GAPVD1: variants seen among roughly 807,000 people sequenced by gnomAD.
GAPVD1 encodes the protein GTPase-activating protein and VPS9 domain-containing protein 1.
In GAPVD1, 35 loss-of-function variants were observed where a neutral mutation model predicts 155.5. The ratio of observed to expected loss-of-function variants is 0.23; its 90% CI spans 0.17 to 0.30. The LOEUF (loss-of-function observed/expected upper bound fraction) is 0.30. Ranked by LOEUF, GAPVD1 falls within the 10% of genes least tolerant of loss-of-function variation. The pLI, the probability that GAPVD1 is intolerant of heterozygous loss-of-function variation, is 1.00. For missense variants in GAPVD1, 1,429 were observed against 1,775.7 expected, an observed-to-expected ratio of 0.80 and a Z score of 3.51; for synonymous variants, 636 against 619.7, an observed-to-expected ratio of 1.03 and a Z score of -0.39.
chr9:125,359,693 C>A, intron 26 of GAPVD1: 1 of 516,422 alleles, frequency 1.9e-6, no homozygotes, highest in South Asian at 2.7e-5. Flanking sequence ...TAGTAGAAAG[C>A]CAGTTGTGAG....
intron 2 of GAPVD1, among the ~76,000 whole-genome samples, chr9:125,276,396 GA>G (rs1161605194): frequency 6.6e-6 from 1 of 152,066 alleles, no homozygotes; most frequent in East Asian, 1.9e-4. Context: ...TAATTTTGAA[GA>G]AATATCTTTC....
At chr9:125,319,724 C>T (rs936705877) in intron 9 of GAPVD1, among the ~76,000 whole-genome samples, 1 of 151,844 alleles carries the variant, frequency 6.6e-6, no homozygotes, top group East Asian at 1.9e-4. Flanking sequence ...GTCTCAGCCT[C>T]CCAAGTAGCT....
intron 25 of GAPVD1, 65 bp from the exon 26 acceptor site, chr9:125,359,355 A>G (rs1198402562): frequency 2.3e-6 from 2 of 886,630 alleles, no homozygotes; most frequent in Non-Finnish European, 3.8e-6. Context: ...AAAATCAATG[A>G]TGACTGTTTG....
At chr9:125,352,004 G>C (rs1156574419) in intron 23 of GAPVD1, among the ~76,000 whole-genome samples, 1 of 152,128 alleles carries the variant, frequency 6.6e-6, no homozygotes, top group Non-Finnish European at 1.5e-5. Context: ...GCCTCCCAAA[G>C]TGCTGGGATT....
intron 11 of GAPVD1, among the ~76,000 whole-genome samples, chr9:125,326,051 A>G (rs1174771354): frequency 6.6e-6 from 1 of 152,238 alleles, no homozygotes; most frequent in Non-Finnish European, 1.5e-5. Context: ...CATGGAATAT[A>G]TAGGATTTGG....
At chr9:125,340,250 A>G (rs1031637863) in intron 17 of GAPVD1, among the ~76,000 whole-genome samples, 6 of 152,112 alleles carry the variant, frequency 3.9e-5, no homozygotes, top group Non-Finnish European at 7.4e-5. Flanking sequence ...TGAGCTCCTG[A>G]CTTCAGGTGA....
chr9:125,334,094 A>C (rs972084027), intron 15 of GAPVD1, among the ~76,000 whole-genome samples: 2 of 152,206 alleles, frequency 1.3e-5, no homozygotes, highest in Non-Finnish European at 2.9e-5. Flanking sequence ...TGAGGTCCTA[A>C]GACCCTTTGA....
At chr9:125,263,902 G>A in intron 1 of GAPVD1, 1 of 1,435,420 alleles carries the variant, frequency 7.0e-7, no homozygotes, top group Non-Finnish European at 9.8e-7. Flanking sequence ...TAAGGTACCA[G>A]TAGAAATGTC....
intron 2 of GAPVD1, among the ~76,000 whole-genome samples, chr9:125,279,502 C>T (rs919104323): frequency 2.1e-5 from 3 of 145,704 alleles, no homozygotes; most frequent in Non-Finnish European, 4.5e-5. Context: ...ACCCAGGAGG[C>T]GGAGGTTGCA....
At chr9:125,329,393 T>C (rs1462736787) in intron 12 of GAPVD1, among the ~76,000 whole-genome samples, 1 of 152,190 alleles carries the variant, frequency 6.6e-6, no homozygotes, top group Admixed American at 6.5e-5. Context: ...GGCTATAAAT[T>C]TTAGAACGAT....
chr9:125,334,552 T>TAAACTGTATTTCTTATGAATACGTA (rs1846594776), intron 15 of GAPVD1, among the ~76,000 whole-genome samples: 1 of 152,168 alleles, frequency 6.6e-6, no homozygotes, highest in Admixed American at 6.5e-5. Context: ...GAATGACAGA[T>TAAACTGTATTTCTTATGAATACGTA]AAACTGTATT....
At chr9:125,346,202 C>T (rs1848501742) in intron 19 of GAPVD1, 1 of 153,400 alleles carries the variant, frequency 6.5e-6, no homozygotes, top group Admixed American at 6.5e-5. Context: ...AATTCCAGCA[C>T]TCCCCAAGAA....
chr9:125,293,858 A>T (rs1588703041), intron 2 of GAPVD1, among the ~76,000 whole-genome samples: 2 of 8,196 alleles, frequency 2.4e-4, no homozygotes, highest in Non-Finnish European at 3.6e-4. Context: ...TATTTTATAT[A>T]TATATATATA....
chr9:125,362,877 G>A lies in GAPVD1; in HGVS notation c.*131G>A, dbSNP rs1203735911. 1.4e-6 allele frequency: 1 copy of A among 693,924 alleles called. No homozygotes were observed. The allele number at this position is 693,924 out of a possible 1,614,324, so 43.0% of individuals were successfully genotyped here. A position where few individuals can be genotyped will look rare whatever the true frequency, so the allele number is the denominator to read the frequency against. On this transcript the variant is annotated 3_prime_UTR_variant, in exon 28 of 28. Transcript: ENST00000297933. ...GCACAGCATCAGGCATTTTAAAGCA[G>A]ATCTTTACTAAACAGGTTAATGAGC...
chr9:125,312,682 C>G, intron 9 of GAPVD1, 70 bp downstream of exon 9: 1 of 1,158,926 alleles, frequency 8.6e-7, no homozygotes, highest in East Asian at 2.6e-5. Context: ...AACAAAACAC[C>G]AGAGGTTGGG....
intron 21 of GAPVD1, 26 bp from the exon 22 acceptor site, chr9:125,350,265 AAATT>A (rs771661753): frequency 8.0e-7 from 1 of 1,255,292 alleles, no homozygotes; most frequent in Non-Finnish European, 1.1e-6. Context: ...CTGGATAAAG[AAATT>A]AATGTATTTT....
Position 125,364,969 on chromosome 9 carries a change from A to G in GAPVD1, c.*2223A>G, listed in dbSNP as rs1257282528. 1.3e-5 allele frequency: 2 copies of G among 152,558 alleles called. No homozygotes were observed. The highest frequency in any genetic ancestry group is 1.9e-4 in the East Asian group (1 of 5,200). 9.5% of individuals were successfully genotyped at this position (152,558 alleles called of 1,614,324 possible). A position where few individuals can be genotyped will look rare whatever the true frequency, so the allele number is the denominator to read the frequency against. On this transcript the variant is annotated 3_prime_UTR_variant, in exon 28 of 28. Transcript: ENST00000297933. Reference sequence around the variant, plus strand: ...CTGCAATGGTTGCTAAGTCTATTCCATGTTAACACTGTGGAAATAAATATG... The same window carrying G: ...CTGCAATGGTTGCTAAGTCTATTCCGTGTTAACACTGTGGAAATAAATATG...
chr9:125,288,361 C>T (rs1016647565), intron 2 of GAPVD1, among the ~76,000 whole-genome samples: 2 of 152,138 alleles, frequency 1.3e-5, no homozygotes, highest in African/African-American at 2.4e-5. Context: ...CCACCCGCCT[C>T]AGCCTCCCAA....
intron 2 of GAPVD1, among the ~76,000 whole-genome samples, chr9:125,293,842 A>AATATATTTTATATATAT (rs1839139670): frequency 3.8e-5 from 3 of 78,066 alleles, no homozygotes; most frequent in African/African-American, 1.8e-4. Context: ...TATATATATA[A>AATATATTTTATATATAT]AAATATATTT....
Sources: allele counts gnomAD v4.1 joint callset (sites outside exome capture counted in the v4.1 genomes callset), GRCh38; gene constraint gnomAD v4.1.1; transcripts MANE v1.5; gene names NCBI Gene and HGNC (gene_info 2026-07-23, HGNC 2026-07-21).